Variants in PAPPA2 observed in about 807,000 individuals in gnomAD.
PAPPA2 encodes pappalysin 2.
A neutral mutation model predicts 176.4 loss-of-function variants in PAPPA2; 86 were observed. That is an observed-to-expected ratio of 0.49 (90% CI 0.41 to 0.58). The LOEUF (loss-of-function observed/expected upper bound fraction) is 0.58. PAPPA2 is among the 20% of genes least tolerant of loss of function. PAPPA2 has a pLI of 0.00. For synonymous variants in PAPPA2, 809 were observed against 852.2 expected (o/e 0.95, Z 0.88); for missense variants, 2,073 against 2,256.9 (o/e 0.92, Z 1.65).
chr1:176,492,983 T>A (rs946143173), intron 1 of PAPPA2, among the ~76,000 whole-genome samples: 1 of 152,224 alleles, frequency 6.6e-6, no homozygotes, highest in East Asian at 1.9e-4. Flanking sequence ...CCCTCTAGTG[T>A]GATCTATTTT....
At chr1:176,626,908 T>G (rs1041160402) in intron 3 of PAPPA2, among the ~76,000 whole-genome samples, 4 of 149,628 alleles carry the variant, frequency 2.7e-5, no homozygotes, top group East Asian at 2.0e-4. Flanking sequence ...TTTTTTTTTT[T>G]GACAAATTTC....
intron 14 of PAPPA2, among the ~76,000 whole-genome samples, chr1:176,753,986 G>A (rs565809748): frequency 1.3e-5 from 2 of 151,444 alleles, no homozygotes; most frequent in African/African-American, 2.4e-5. Flanking sequence ...AGCTTTGGGC[G>A]GCACAGTGAG....
intron 1 of PAPPA2, among the ~76,000 whole-genome samples, chr1:176,505,781 A>C (rs761825753): frequency 4.6e-5 from 7 of 152,032 alleles, no homozygotes; most frequent in Non-Finnish European, 1.0e-4. Flanking sequence ...ATCAAGATAG[A>C]GTATTGGAGA....
At chr1:176,530,943 T>C (rs548189310) in intron 1 of PAPPA2, among the ~76,000 whole-genome samples, 2 of 152,344 alleles carry the variant, frequency 1.3e-5, no homozygotes, top group South Asian at 4.1e-4. Flanking sequence ...TTTCTACTTC[T>C]TGCTTCCAAC....
chr1:176,839,554 C>T (rs10798484), intron 21 of PAPPA2, among the ~76,000 whole-genome samples: 81,979 of 151,880 alleles, frequency 0.54, 22,796 homozygotes, highest in East Asian at 0.72. Context: ...AACCCGAGCA[C>T]CACTGCGGGC....
chr1:176,723,340 T>C (rs1558543125), intron 12 of PAPPA2, among the ~76,000 whole-genome samples: 2 of 152,184 alleles, frequency 1.3e-5, no homozygotes, highest in African/African-American at 2.4e-5. Context: ...CCAGGAGTAA[T>C]AGTCTTTGTA....
chr1:176,543,895 C>G (rs1273348440), intron 1 of PAPPA2, among the ~76,000 whole-genome samples: 1 of 152,182 alleles, frequency 6.6e-6, no homozygotes, highest in Middle Eastern at 3.2e-3. Context: ...TACTTACTAG[C>G]TGAAGGCAGT....
chr1:176,791,402 A>G lies in PAPPA2; in HGVS notation c.4940A>G (p.Glu1647Gly), dbSNP rs755278172. Residue 1647 changes from glutamate (E) to glycine (G), a missense_variant, in exon 19 of 23, where the codon GAG becomes GGG. By Grantham distance (98) the Glu-to-Gly change is moderately conservative. Around this residue, in one of 4 missense-constraint regions of PAPPA2, gnomAD observed 846 missense variants for 857.9 expected, o/e 0.99. Coordinates refer to ENST00000367662, the MANE Select transcript of PAPPA2 (RefSeq NM_020318.3). The part of the protein sequence containing the change: ...GLWTQEFKLC[E>G]NLQGECPPPP... ...TGGACCCAGGAGTTTAAGTTGTGTG[A>G]GAATCTGCAAGGAGAATGCCCACCA... 1.2e-6 allele frequency: 2 copies of G among 1,612,710 alleles called. No individual in the cohort carries two copies. The highest frequency in any genetic ancestry group is 3.3e-5 in the Admixed American group (2 of 60,012).
chr1:176,700,774 G>T (rs973484011), intron 8 of PAPPA2, among the ~76,000 whole-genome samples: 2 of 152,190 alleles, frequency 1.3e-5, no homozygotes, highest in African/African-American at 2.4e-5. Flanking sequence ...GAAAGAGGCA[G>T]CAAAGTCACA....
chr1:176,615,127 T>C (rs1163670248), intron 3 of PAPPA2, among the ~76,000 whole-genome samples: 1 of 152,210 alleles, frequency 6.6e-6, no homozygotes, highest in African/African-American at 2.4e-5. Context: ...ATTCTATATG[T>C]TCTGTACAAG....
intron 3 of PAPPA2, among the ~76,000 whole-genome samples, chr1:176,655,205 T>C (rs1412890078): frequency 6.6e-6 from 1 of 151,826 alleles, no homozygotes; most frequent in Non-Finnish European, 1.5e-5. Context: ...TTGGCTGTGG[T>C]TTTGTCATAT....
At chr1:176,722,918 G>A (rs1182619506) in intron 12 of PAPPA2, among the ~76,000 whole-genome samples, 6 of 152,144 alleles carry the variant, frequency 3.9e-5, no homozygotes, top group African/African-American at 1.4e-4. Context: ...GGTGTGTACC[G>A]TGTTTTAGTC....
At chr1:176,611,381 A>T (rs1444319195) in intron 3 of PAPPA2, among the ~76,000 whole-genome samples, 1 of 152,230 alleles carries the variant, frequency 6.6e-6, no homozygotes, top group African/African-American at 2.4e-5. Context: ...TCACAGTCCA[A>T]TATTAAAATG....
chr1:176,764,201 C>G (rs1197273164), intron 14 of PAPPA2, among the ~76,000 whole-genome samples: 2 of 152,158 alleles, frequency 1.3e-5, no homozygotes, highest in Non-Finnish European at 2.9e-5. Context: ...CCAATACTGC[C>G]ACATTGGGAA....
chr1:176,548,305 A>G (rs1368683794), intron 1 of PAPPA2, among the ~76,000 whole-genome samples: 1 of 151,944 alleles, frequency 6.6e-6, no homozygotes, highest in African/African-American at 2.4e-5. Context: ...GGCATGTTGG[A>G]TCTGGGGGAG....
At chr1:176,506,349 C>T (rs1172648046) in intron 1 of PAPPA2, among the ~76,000 whole-genome samples, 5 of 151,320 alleles carry the variant, frequency 3.3e-5, no homozygotes. Context: ...TTTTTTCTTC[C>T]ATATGAATTT....
intron 1 of PAPPA2, among the ~76,000 whole-genome samples, chr1:176,541,632 A>G: frequency 6.6e-6 from 1 of 152,234 alleles, no homozygotes. Flanking sequence ...ACGTAGATGA[A>G]AAATGCATTT....
chr1:176,518,060 C>T (rs1649013813), intron 1 of PAPPA2, among the ~76,000 whole-genome samples: 2 of 152,074 alleles, frequency 1.3e-5, no homozygotes, highest in Admixed American at 6.6e-5. Flanking sequence ...TTTTAGAGAG[C>T]TTGAAACAGG....
intron 1 of PAPPA2, among the ~76,000 whole-genome samples, chr1:176,511,713 G>A (rs1484702572): frequency 1.3e-5 from 2 of 152,114 alleles, no homozygotes; most frequent in Admixed American, 6.6e-5. Flanking sequence ...AAACAAAAAG[G>A]CAGAGGAAGT....
Sources: allele counts gnomAD v4.1 joint callset (sites outside exome capture counted in the v4.1 genomes callset), GRCh38; gene constraint gnomAD v4.1.1; regional missense constraint gnomAD v4.1.1; transcripts MANE v1.5; gene names NCBI Gene and HGNC (gene_info 2026-07-23, HGNC 2026-07-21).